The following PGAP1 variants were observed in gnomAD, a reference collection of about 807,000 sequenced individuals.
The protein encoded by PGAP1 is post-GPI attachment to proteins inositol deacylase 1, also known as GPI inositol-deacylase.
A neutral mutation model predicts 127.0 loss-of-function variants in PGAP1; 76 were observed. The observed-to-expected ratio is 0.60, with a 90% CI of 0.50 to 0.72. The LOEUF is 0.72. Ranked by LOEUF, PGAP1 falls within the 30% of genes least tolerant of loss-of-function variation. The probability of loss-of-function intolerance (pLI) is 0.00; values close to 1 mark genes in which losing one functional copy is unlikely to be tolerated. For synonymous variants in PGAP1, 362 were observed against 366.5 expected (o/e 0.99, Z 0.14); for missense variants, 982 against 1,071.3 (o/e 0.92, Z 1.16).
intron 5 of PGAP1, among the ~76,000 whole-genome samples, chr2:196,901,909 C>G (rs1452654673): frequency 1.3e-5 from 2 of 152,126 alleles, no homozygotes; most frequent in African/African-American, 4.8e-5. Flanking sequence ...TCCACACATT[C>G]TTATATTCAC....
In PGAP1 at chr2:196,837,018, T is replaced by A. The variant is rs1352691497; in HGVS notation, c.*4216A>T. ...ATTTTCATTTTTCCCAAATGATTAA[T>A]AATAACCAGTTACTAAACTTCAAAT... On this transcript the variant is annotated 3_prime_UTR_variant, in exon 27 of 27. Transcript: ENST00000354764. 6.6e-6 allele frequency: 1 copy of A among 152,196 alleles called. No homozygotes were observed. Among genetic ancestry groups the A allele is most frequent in the Non-Finnish European group, 1.5e-5 (1 of 68,026 alleles). The allele number at this position is 152,196 out of a possible 1,614,324, so 9.4% of individuals were successfully genotyped here.
At chr2:196,886,457 C>T (rs946595329) in intron 10 of PGAP1, among the ~76,000 whole-genome samples, 11 of 151,836 alleles carry the variant, frequency 7.2e-5, no homozygotes, top group African/African-American at 2.2e-4. Context: ...CACCACGCCT[C>T]GCCATCTTTC....
intron 20 of PGAP1, among the ~76,000 whole-genome samples, chr2:196,863,272 T>A (rs904630402): frequency 3.9e-5 from 6 of 152,188 alleles, no homozygotes; most frequent in Non-Finnish European, 7.3e-5. Context: ...TGCATCCCCA[T>A]GTTTACTGTA....
At position 196,863,086 on chromosome 2, in the gene PGAP1, C is replaced by T. The variant is rs573612161; in HGVS notation, c.1861+1901G>A. On this transcript the variant is annotated intron_variant, in intron 20 of 26. Coordinates refer to ENST00000354764, the MANE Select transcript of PGAP1 (RefSeq NM_024989.4). The stretch of plus-strand genomic sequence containing the variant: ...AAAATAACAAGTGATAATGAGGATA[C>T]GGAAAAAGGGGAATGCTAGCACACA... Among the ~76,000 whole-genome samples, 15 of 152,098 alleles carry T rather than the reference C, an allele frequency of 9.9e-5. No individual in the cohort carries two copies. The South Asian group carries it at 2.5e-3, about 25-fold the overall frequency.
At chr2:196,917,461 C>T (rs889692621) in intron 2 of PGAP1, among the ~76,000 whole-genome samples, 1 of 152,080 alleles carries the variant, frequency 6.6e-6, no homozygotes, top group Non-Finnish European at 1.5e-5. Flanking sequence ...ATTTTTTAAT[C>T]GTTTCAAAAA....
In PGAP1 at chr2:196,847,954, G is replaced by A; in HGVS notation, c.1945C>T (p.Leu649=). The stretch of plus-strand genomic sequence containing the variant: ...ACAGATAATAAAACTTACCCCAACA[G>A]AAACTTAATGATAATTACAAAAGGA... ...VDPFVIIIKF[L]LGYKWFKELW... The change falls in exon 21 of 27, where the codon CTG becomes TTG. Residue 649 remains leucine, a synonymous_variant. Transcript: ENST00000354764. 2 of 1,574,976 alleles carry A rather than the reference G, an allele frequency of 1.3e-6. No homozygotes were observed. Among genetic ancestry groups the A allele is most frequent in the Non-Finnish European group, 1.7e-6 (2 of 1,162,234 alleles).
rs1251676825 is a variant in PGAP1, at chr2:196,839,849, T to G, written c.*1385A>C. 6.6e-6 allele frequency: 1 copy of G among 152,182 alleles called. No homozygotes were observed. Among genetic ancestry groups the G allele is most frequent in the Non-Finnish European group, 1.5e-5 (1 of 68,028 alleles). 9.4% of individuals were successfully genotyped at this position (152,182 alleles called of 1,614,324 possible). On this transcript the variant is annotated 3_prime_UTR_variant, in exon 27 of 27. Transcript: ENST00000354764. The stretch of plus-strand genomic sequence containing the variant: ...CCCTGGGTACTAACAAGGATACATA[T>G]TCACAAGTGCAATGGTGGAATCACT...
At chr2:196,870,499 T>C (rs1701377539) in intron 19 of PGAP1, among the ~76,000 whole-genome samples, 1 of 152,144 alleles carries the variant, frequency 6.6e-6, no homozygotes, top group African/African-American at 2.4e-5. Context: ...GTTTCACCAG[T>C]TGGCCAGGCT....
chr2:196,880,115 A>G lies in PGAP1; in HGVS notation c.1311T>C (p.Ser437=). The stretch of plus-strand genomic sequence containing the variant: ...CAGATGGTACATAAACAACAAGATG[A>G]GACAAAGATGGATAGTCTTGAAGTC... ...TLRLQDYPSL[S]HLVVYVPSVR... Residue 437 remains serine (S), a synonymous_variant, in exon 13 of 27, where the codon TCT becomes TCC. Coordinates refer to ENST00000354764, the MANE Select transcript of PGAP1 (RefSeq NM_024989.4). 6.3e-7 allele frequency: 1 copy of G among 1,598,016 alleles called. No individual in the cohort carries two copies.
intron 12 of PGAP1, among the ~76,000 whole-genome samples, chr2:196,881,263 T>G (rs1701722008): frequency 6.6e-6 from 1 of 152,218 alleles, no homozygotes; most frequent in Admixed American, 6.5e-5. Context: ...CTTTATCCAG[T>G]CTACTATTGA....
At chr2:196,905,961 A>G (rs552328262) in intron 4 of PGAP1, among the ~76,000 whole-genome samples, 755 of 68,782 alleles carry the variant, frequency 0.011, 3 homozygotes, top group Non-Finnish European at 0.016. Context: ...CGCCCACGGA[A>G]TCTCGCTGAT....
At chr2:196,897,489 A>G (rs1329368355) in intron 6 of PGAP1, among the ~76,000 whole-genome samples, 1 of 152,172 alleles carries the variant, frequency 6.6e-6, no homozygotes, top group East Asian at 1.9e-4. Context: ...CCATCTTTAT[A>G]TGCCTGAAGT....
intron 10 of PGAP1, among the ~76,000 whole-genome samples, chr2:196,889,614 T>C (rs1192044868): frequency 6.6e-6 from 1 of 151,616 alleles, no homozygotes; most frequent in Non-Finnish European, 1.5e-5. Context: ...CCCAGCACTT[T>C]GGGAGGCCGA....
intron 1 of PGAP1, among the ~76,000 whole-genome samples, chr2:196,924,996 T>C (rs2125844377): frequency 6.6e-6 from 1 of 152,332 alleles, no homozygotes; most frequent in East Asian, 1.9e-4. Context: ...AGTTTCCTAA[T>C]TATTAAACCA....
chr2:196,873,398 T>C (rs1701466031), intron 16 of PGAP1, 130 bp downstream of exon 16: 2 of 677,724 alleles, frequency 3.0e-6, no homozygotes, highest in Non-Finnish European at 5.0e-6. Flanking sequence ...AAACAACCTG[T>C]TATAAATTTA....
chr2:196,899,044 C>A (rs1301403822), intron 5 of PGAP1, among the ~76,000 whole-genome samples: 1 of 152,064 alleles, frequency 6.6e-6, no homozygotes. Flanking sequence ...GGCACAGCAC[C>A]CTTCAAGAAC....
At chr2:196,902,385 C>T (rs1301719929) in intron 5 of PGAP1, among the ~76,000 whole-genome samples, 200 bp downstream of exon 5, 1 of 144,990 alleles carries the variant, frequency 6.9e-6, no homozygotes, top group Non-Finnish European at 1.5e-5. Flanking sequence ...TCTGCCCTCC[C>T]AACACATTCA....
intron 19 of PGAP1, among the ~76,000 whole-genome samples, chr2:196,866,363 C>T (rs1172285721): frequency 1.3e-5 from 2 of 152,144 alleles, no homozygotes; most frequent in African/African-American, 4.8e-5. Flanking sequence ...CAAAGACAAG[C>T]AATGGAGAAA....
rs1700284233 is a variant in PGAP1 at position 196,838,047 on chromosome 2, A to G, written c.*3187T>C. 1 of 152,238 alleles carries G rather than the reference A, an allele frequency of 6.6e-6. No individual in the cohort carries two copies. Among genetic ancestry groups the G allele is most frequent in the Admixed American group, 6.5e-5 (1 of 15,288 alleles). 9.4% of individuals were successfully genotyped at this position (152,238 alleles called of 1,614,324 possible). The stretch of plus-strand genomic sequence containing the variant: ...TTAATTTCTGGCATAAAAAAGATCC[A>G]GGAAAAAAAACAGTGTTAGCAATCT... On this transcript the variant is annotated 3_prime_UTR_variant, in exon 27 of 27. Coordinates refer to ENST00000354764, the MANE Select transcript of PGAP1 (RefSeq NM_024989.4).
Sources: gnomAD v4.1 joint callset for allele counts (sites outside exome capture counted in the v4.1 genomes callset) on GRCh38, gnomAD v4.1.1 for gene constraint, MANE v1.5 for transcripts, NCBI Gene and HGNC (gene_info 2026-07-23, HGNC 2026-07-21) for gene names.